Variants in DYNC1I1 observed in about 807,000 individuals in gnomAD.
DYNC1I1 encodes the protein dynein cytoplasmic 1 intermediate chain 1.
DYNC1I1 carries 43 observed loss-of-function variants against 86.6 expected under a neutral mutation model. That is an observed-to-expected ratio of 0.50 (90% CI 0.39 to 0.64). The LOEUF is 0.64. Among genes scored for constraint, DYNC1I1 ranks in the 30% least tolerant of loss-of-function variants. The pLI is 0.00. For synonymous variants in DYNC1I1, 262 were observed against 283.7 expected (o/e 0.92, Z 0.77); for missense variants, 604 against 788.8 (o/e 0.77, Z 2.81).
intron 16 of DYNC1I1, among the ~76,000 whole-genome samples, chr7:96,085,135 T>C (rs1267314041): frequency 1.3e-5 from 2 of 152,194 alleles, no homozygotes; most frequent in Non-Finnish European, 2.9e-5. Flanking sequence ...CCTCATCTCC[T>C]GTCCCAGCTG....
In DYNC1I1 at chr7:95,883,872, G is replaced by A. The variant is rs116926483; in HGVS notation, c.490+13874G>A. On this transcript the variant is annotated intron_variant, in intron 6 of 16. Coordinates refer to ENST00000447467, the MANE Select transcript of DYNC1I1 (RefSeq NM_001135556.2). ...AGGAATAAGAATTATACATAAAGAC[G>A]ATTCTCAGCATCAGTTTAAAACAAA... Among the ~76,000 whole-genome samples, 957 of 151,828 alleles carry A rather than the reference G, an allele frequency of 6.3e-3. 13 individuals are homozygous for A. Among genetic ancestry groups the A allele is most frequent in the Non-Finnish European group, 0.01 (706 of 67,982 alleles).
intron 16 of DYNC1I1, among the ~76,000 whole-genome samples, chr7:96,104,055 G>A (rs539183285): frequency 1.4e-4 from 21 of 152,118 alleles, no homozygotes; most frequent in Non-Finnish European, 2.2e-4. Context: ...TTTTGAGCAT[G>A]TTTCGTGTGA....
intron 6 of DYNC1I1, among the ~76,000 whole-genome samples, chr7:95,967,049 A>G (rs1584207872): frequency 6.6e-6 from 1 of 152,330 alleles, no homozygotes; most frequent in South Asian, 2.1e-4. Flanking sequence ...ATTAGAAATT[A>G]TTAAAATTTA....
At chr7:95,823,736 A>G (rs1412720705) in intron 4 of DYNC1I1, among the ~76,000 whole-genome samples, 1 of 151,812 alleles carries the variant, frequency 6.6e-6, no homozygotes, top group Non-Finnish European at 1.5e-5. Context: ...TCAGGTTTAC[A>G]TATTTGTCTG....
intron 6 of DYNC1I1, among the ~76,000 whole-genome samples, chr7:95,941,626 C>T (rs1478265264): frequency 1.3e-5 from 2 of 152,228 alleles, no homozygotes; most frequent in African/African-American, 2.4e-5. Context: ...ATATAATCTC[C>T]TCGTGTGCTG....
At chr7:95,785,620 G>T (rs796526853) in intron 1 of DYNC1I1, among the ~76,000 whole-genome samples, 5 of 151,200 alleles carry the variant, frequency 3.3e-5, no homozygotes, top group African/African-American at 1.2e-4. Context: ...CATTTCAAAG[G>T]TATGTGCCAG....
intron 6 of DYNC1I1, among the ~76,000 whole-genome samples, chr7:95,877,812 GC>G (rs1790348313): frequency 6.6e-6 from 1 of 152,210 alleles, no homozygotes; most frequent in Non-Finnish European, 1.5e-5. Flanking sequence ...AGAAAATTGT[GC>G]CCCAGGGCAG....
At chr7:96,080,810 G>A (rs1024328178) in intron 16 of DYNC1I1, among the ~76,000 whole-genome samples, 1 of 152,052 alleles carries the variant, frequency 6.6e-6, no homozygotes, top group African/African-American at 2.4e-5. Flanking sequence ...GGTGCCTCAC[G>A]CCTGTAATCC....
intron 6 of DYNC1I1, among the ~76,000 whole-genome samples, chr7:95,872,528 A>G (rs1790200056): frequency 6.6e-6 from 1 of 152,184 alleles, no homozygotes; most frequent in South Asian, 2.1e-4. Context: ...GGATTTGCCC[A>G]AGCTTAAGCA....
chr7:95,796,974 A>G (rs952402919), intron 1 of DYNC1I1, among the ~76,000 whole-genome samples: 2 of 152,306 alleles, frequency 1.3e-5, no homozygotes, highest in South Asian at 4.1e-4. Flanking sequence ...GTAGCACCAA[A>G]CTGTACTAGT....
At chr7:95,842,523 G>A (rs933389432) in intron 5 of DYNC1I1, among the ~76,000 whole-genome samples, 13 of 152,130 alleles carry the variant, frequency 8.5e-5, no homozygotes, top group Admixed American at 8.5e-4. Context: ...TCAGTTAATT[G>A]CATTCTTGGA....
chr7:95,813,189 TCA>T, intron 3 of DYNC1I1, 56 bp from the exon 4 acceptor site: 1 of 1,612,392 alleles, frequency 6.2e-7, no homozygotes, highest in Non-Finnish European at 8.5e-7. Flanking sequence ...ACACTGCTCT[TCA>T]CCAGTGCAGC....
At chr7:96,002,970 A>G (rs1368597417) in intron 10 of DYNC1I1, among the ~76,000 whole-genome samples, 1 of 151,974 alleles carries the variant, frequency 6.6e-6, no homozygotes, top group African/African-American at 2.4e-5. Flanking sequence ...CAGCCTCCCA[A>G]GTAGCTGGGA....
At chr7:95,847,621 C>A (rs1321344559) in intron 5 of DYNC1I1, among the ~76,000 whole-genome samples, 2 of 152,222 alleles carry the variant, frequency 1.3e-5, no homozygotes, top group South Asian at 2.1e-4. Flanking sequence ...AGTCCAAATT[C>A]TTTAACCTGA....
chr7:95,872,776 T>G (rs891682004), intron 6 of DYNC1I1, among the ~76,000 whole-genome samples: 1 of 152,162 alleles, frequency 6.6e-6, no homozygotes, highest in Non-Finnish European at 1.5e-5. Flanking sequence ...CCAATATATT[T>G]GAAACACATA....
chr7:96,056,021 T>C (rs1789567038), intron 14 of DYNC1I1: 1 of 143,308 alleles, frequency 7.0e-6, no homozygotes, highest in South Asian at 2.1e-4. Flanking sequence ...ACTTAACTTT[T>C]AAACCAGAGT....
intron 6 of DYNC1I1, among the ~76,000 whole-genome samples, chr7:95,956,485 T>C (rs1276316421): frequency 6.6e-6 from 1 of 152,014 alleles, no homozygotes; most frequent in Non-Finnish European, 1.5e-5. Flanking sequence ...CTGCACCCAT[T>C]AACCGGTCAT....
intron 6 of DYNC1I1, among the ~76,000 whole-genome samples, chr7:95,930,254 A>G (rs185162698): frequency 2.0e-5 from 3 of 152,220 alleles, no homozygotes; most frequent in Admixed American, 6.5e-5. Context: ...TGGCCTACAA[A>G]TATATAGCTA....
chr7:95,905,664 G>A (rs542684838), intron 6 of DYNC1I1, among the ~76,000 whole-genome samples: 1 of 151,944 alleles, frequency 6.6e-6, no homozygotes, highest in East Asian at 1.9e-4. Context: ...GGTAGGGATA[G>A]GGACTGGACT....
Sources: gnomAD v4.1 joint callset for allele counts (sites outside exome capture counted in the v4.1 genomes callset) on GRCh38, gnomAD v4.1.1 for gene constraint, MANE v1.5 for transcripts, NCBI Gene and HGNC (gene_info 2026-07-23, HGNC 2026-07-21) for gene names.